The following PICALM variants were observed in gnomAD, a reference collection of about 807,000 sequenced individuals.
The protein encoded by PICALM is phosphatidylinositol binding clathrin assembly protein, also known as phosphatidylinositol-binding clathrin assembly protein.
In PICALM, 40 loss-of-function variants were observed where a neutral mutation model predicts 80.5. That is an observed-to-expected ratio of 0.50 (90% CI 0.39 to 0.65). The LOEUF (loss-of-function observed/expected upper bound fraction) is 0.65. Among genes scored for constraint, PICALM ranks in the 30% least tolerant of loss-of-function variants. The pLI is 0.00. For missense variants in PICALM, 676 were observed against 778.9 expected (o/e 0.87, Z 1.57); for synonymous variants, 288 against 260.3 (o/e 1.11, Z -1.02).
At chr11:86,000,423 T>A (rs974948333) in intron 11 of PICALM, among the ~76,000 whole-genome samples, 1 of 152,368 alleles carries the variant, frequency 6.6e-6, no homozygotes, top group South Asian at 2.1e-4. Context: ...CCTATTAGTA[T>A]AAATCAGTGA....
At chr11:86,007,460 G>C (rs1036561957) in intron 8 of PICALM, 82 bp downstream of exon 8, 7 of 781,156 alleles carry the variant, frequency 9.0e-6, no homozygotes. Flanking sequence ...TTTGACAATG[G>C]GGGCTATATG....
chr11:85,978,986 T>C (rs527766293), intron 17 of PICALM, among the ~76,000 whole-genome samples: 1 of 152,190 alleles, frequency 6.6e-6, no homozygotes, highest in Non-Finnish European at 1.5e-5. Context: ...GTGAGGTGTG[T>C]TATAGTGGGA....
At chr11:86,051,621 ACTG>A (rs1421004164) in intron 1 of PICALM, among the ~76,000 whole-genome samples, 319 of 152,344 alleles carry the variant, frequency 2.1e-3, no homozygotes, top group African/African-American at 7.5e-3. Flanking sequence ...ACATCGCGAC[ACTG>A]CACTCCAGCC....
intron 8 of PICALM, among the ~76,000 whole-genome samples, chr11:86,005,696 G>C (rs184847423): frequency 1.0e-4 from 15 of 150,614 alleles, no homozygotes; most frequent in Middle Eastern, 3.4e-3. Flanking sequence ...CAAAGCAAAA[G>C]CCTATCTTTT....
chr11:86,062,223 A>G (rs1414990156), intron 1 of PICALM, among the ~76,000 whole-genome samples: 9 of 152,190 alleles, frequency 5.9e-5, no homozygotes, highest in Non-Finnish European at 1.0e-4. Flanking sequence ...ACAAACAGCA[A>G]GAGTAAACCT....
At chr11:86,000,890 A>T in intron 10 of PICALM, 111 bp from the exon 11 acceptor site, 1 of 1,483,480 alleles carries the variant, frequency 6.7e-7, no homozygotes, top group Non-Finnish European at 9.2e-7. Flanking sequence ...TGTTTTACCT[A>T]ATTCTATGTC....
intron 8 of PICALM, among the ~76,000 whole-genome samples, chr11:86,007,152 C>CA (rs2095295511): frequency 6.6e-6 from 1 of 152,110 alleles, no homozygotes; most frequent in Non-Finnish European, 1.5e-5. Flanking sequence ...GTCAAACAGT[C>CA]AAAGTGGAAG....
intron 4 of PICALM, among the ~76,000 whole-genome samples, chr11:86,019,749 C>A (rs1434432268): frequency 6.6e-6 from 1 of 152,134 alleles, no homozygotes; most frequent in African/African-American, 2.4e-5. Context: ...CAGCATAGAA[C>A]ATTTAAATTC....
At chr11:86,026,700 C>A (rs942925276) in intron 2 of PICALM, among the ~76,000 whole-genome samples, 1 of 152,142 alleles carries the variant, frequency 6.6e-6, no homozygotes, top group South Asian at 2.1e-4. Context: ...GTATTTTAAA[C>A]AGCCGTCTGG....
intron 13 of PICALM, among the ~76,000 whole-genome samples, chr11:85,986,236 C>G (rs976662514): frequency 6.6e-6 from 1 of 151,326 alleles, no homozygotes; most frequent in Non-Finnish European, 1.5e-5. Flanking sequence ...TCCAAATTTC[C>G]AAAGTAAAAA....
At chr11:86,015,177 T>C (rs1423562678) in intron 4 of PICALM, among the ~76,000 whole-genome samples, 3 of 152,150 alleles carry the variant, frequency 2.0e-5, no homozygotes, top group Non-Finnish European at 4.4e-5. Context: ...GGTACTCATT[T>C]AGAACTAAAA....
chr11:86,037,788 A>G (rs2095869550), intron 1 of PICALM, among the ~76,000 whole-genome samples: 1 of 152,216 alleles, frequency 6.6e-6, no homozygotes, highest in South Asian at 2.1e-4. Context: ...GAACACTTCC[A>G]AAATGACTTA....
chr11:85,974,147 G>A (rs1427891950), intron 19 of PICALM, among the ~76,000 whole-genome samples: 3 of 152,118 alleles, frequency 2.0e-5, no homozygotes, highest in South Asian at 2.1e-4. Context: ...TTAGAAACAC[G>A]TCAAGAGGAA....
chr11:86,054,518 C>T (rs1426947354), intron 1 of PICALM, among the ~76,000 whole-genome samples: 1 of 152,124 alleles, frequency 6.6e-6, no homozygotes, highest in Non-Finnish European at 1.5e-5. Flanking sequence ...TTCAGTTTCC[C>T]ACAAACACAC....
intron 1 of PICALM, among the ~76,000 whole-genome samples, chr11:86,051,231 T>C (rs2096181053): frequency 1.3e-5 from 2 of 152,190 alleles, no homozygotes; most frequent in African/African-American, 2.4e-5. Flanking sequence ...AGCACAATTA[T>C]AGCATCACAG....
intron 13 of PICALM, among the ~76,000 whole-genome samples, chr11:85,989,840 G>C (rs894307146): frequency 4.6e-5 from 7 of 151,898 alleles, no homozygotes; most frequent in African/African-American, 1.7e-4. Flanking sequence ...TGCTAAGAGT[G>C]ATTAACCACC....
At chr11:85,981,010 A>G (rs2094427031) in intron 17 of PICALM, 119 bp downstream of exon 17, 4 of 588,904 alleles carry the variant, frequency 6.8e-6, no homozygotes, top group Non-Finnish European at 1.2e-5. Context: ...ACAATTACTT[A>G]TACTTCTAAA....
chr11:86,017,124 G>A (rs899460871), intron 4 of PICALM, among the ~76,000 whole-genome samples: 4 of 151,998 alleles, frequency 2.6e-5, no homozygotes, highest in Non-Finnish European at 5.9e-5. Flanking sequence ...TCGGGAGGCT[G>A]AGGTGGGAGA....
intron 19 of PICALM, among the ~76,000 whole-genome samples, chr11:85,965,802 A>ATTTTTT (rs1202220050): frequency 4.7e-5 from 5 of 105,772 alleles, no homozygotes; most frequent in South Asian, 3.3e-4. Context: ...TGCATTACCC[A>ATTTTTT]TTTTGTTTTT....
Sources: gnomAD v4.1 joint callset for allele counts (sites outside exome capture counted in the v4.1 genomes callset) on GRCh38, gnomAD v4.1.1 for gene constraint, MANE v1.5 for transcripts, NCBI Gene and HGNC (gene_info 2026-07-23, HGNC 2026-07-21) for gene names.